DOCK3: variants seen among roughly 807,000 people sequenced by gnomAD.
DOCK3 encodes dedicator of cytokinesis 3.
Under a neutral mutation model 265.6 loss-of-function variants are expected in DOCK3, and 60 were observed. The observed-to-expected ratio is 0.23, with a 90% CI of 0.18 to 0.28. The LOEUF (loss-of-function observed/expected upper bound fraction) is 0.28, where lower values mean the gene tolerates loss of function less well. Ranked by LOEUF, DOCK3 falls within the 10% of genes least tolerant of loss-of-function variation. The pLI is 1.00. For missense variants in DOCK3, 1,981 were observed against 2,594.3 expected (o/e 0.76, Z 5.14); for synonymous variants, 881 against 938.0 (o/e 0.94, Z 1.11).
intron 5 of DOCK3, among the ~76,000 whole-genome samples, chr3:50,961,878 G>A (rs1197298170): frequency 6.6e-6 from 1 of 151,974 alleles, no homozygotes; most frequent in Non-Finnish European, 1.5e-5. Flanking sequence ...TAATAGAAAG[G>A]AATTATTAAT....
chr3:51,312,978 C>G, intron 31 of DOCK3, 76 bp downstream of exon 31: 1 of 1,350,816 alleles, frequency 7.4e-7, no homozygotes, highest in Non-Finnish European at 1.0e-6. Flanking sequence ...AATAACATCT[C>G]CCAGGCTTTA....
chr3:51,257,819 C>A (rs1270565413), intron 22 of DOCK3, among the ~76,000 whole-genome samples: 16 of 152,220 alleles, frequency 1.1e-4, no homozygotes, highest in Admixed American at 1.0e-3. Flanking sequence ...TCCACAGGCT[C>A]CACCTCTCAC....
In DOCK3 at chr3:51,381,918, G is replaced by A; in HGVS notation, c.*359G>A. The A allele has an allele frequency of 5.1e-6, 1 of 196,782 alleles. No individual in the cohort carries two copies. The highest frequency in any genetic ancestry group is 1.0e-5 in the Non-Finnish European group (1 of 97,044). 12.2% of individuals were successfully genotyped at this position (196,782 alleles called of 1,614,324 possible). On this transcript the variant is annotated 3_prime_UTR_variant, in exon 53 of 53. Coordinates refer to ENST00000266037, the MANE Select transcript of DOCK3 (RefSeq NM_004947.5). The surrounding 1 kb of genome is among the most constrained non-coding windows in gnomAD (Gnocchi z 5.6). The stretch of plus-strand genomic sequence containing the variant: ...CTTTGCCACACTGCAGGGCCCAGGA[G>A]TGGGAGCCCAGGCCCTCCCTCCAGG...
intron 9 of DOCK3, among the ~76,000 whole-genome samples, chr3:51,133,598 A>G (rs1224525286): frequency 1.3e-5 from 2 of 151,958 alleles, no homozygotes; most frequent in Non-Finnish European, 2.9e-5. Flanking sequence ...AGTCTTTGCT[A>G]TTGTGAATAG....
chr3:51,343,710 G>T (rs1195976165), intron 38 of DOCK3, among the ~76,000 whole-genome samples: 1 of 152,206 alleles, frequency 6.6e-6, no homozygotes, highest in African/African-American at 2.4e-5. Context: ...ACCCACCATT[G>T]TTCCAGTACA....
chr3:50,989,403 A>G (rs551602095), intron 5 of DOCK3, among the ~76,000 whole-genome samples: 21 of 152,164 alleles, frequency 1.4e-4, no homozygotes, highest in African/African-American at 4.8e-4. Flanking sequence ...AGGAACCCAT[A>G]TTTTTACAGC....
chr3:51,376,805 C>T (rs1183614205), intron 51 of DOCK3, among the ~76,000 whole-genome samples: 1 of 152,248 alleles, frequency 6.6e-6, no homozygotes, highest in African/African-American at 2.4e-5. Context: ...TCATGGAGGA[C>T]ATACCTCTGT....
intron 9 of DOCK3, among the ~76,000 whole-genome samples, chr3:51,144,683 A>C (rs982385704): frequency 6.6e-6 from 1 of 152,200 alleles, no homozygotes; most frequent in Non-Finnish European, 1.5e-5. Context: ...TCATTTCTGC[A>C]TGTCTAACTG....
Position 51,000,462 on chromosome 3 carries a change from G to C in DOCK3, c.316-63986G>C, listed in dbSNP as rs954478451. On this transcript the variant is annotated intron_variant, in intron 5 of 52. Transcript: ENST00000266037. ...TGACTGCTACCACTGCTTTAAGACT[G>C]TTGCCTTGCTGGGGAAGGCCTAGGA... is the stretch of plus-strand genomic sequence containing the variant. 1.3e-5 allele frequency among the ~76,000 whole-genome samples: 2 copies of C among 152,188 alleles called. 1 individual carries two copies. Among genetic ancestry groups the C allele is most frequent in the African/African-American group, 4.8e-5 (2 of 41,444 alleles).
chr3:51,130,688 A>G (rs1006550918), intron 9 of DOCK3, among the ~76,000 whole-genome samples: 2 of 152,052 alleles, frequency 1.3e-5, no homozygotes, highest in Non-Finnish European at 2.9e-5. Flanking sequence ...CAAGGATGCA[A>G]TATTGGTTTT....
intron 3 of DOCK3, among the ~76,000 whole-genome samples, chr3:50,843,096 C>T (rs934605017): frequency 6.6e-6 from 1 of 152,132 alleles, no homozygotes; most frequent in African/African-American, 2.4e-5. Flanking sequence ...TGATGGTACC[C>T]TTAAAATATT....
intron 1 of DOCK3, among the ~76,000 whole-genome samples, chr3:50,694,236 C>T (rs2035458791): frequency 6.6e-6 from 1 of 151,718 alleles, no homozygotes; most frequent in African/African-American, 2.4e-5. Context: ...CGCCACTGCA[C>T]ACCAGCCTGG....
intron 5 of DOCK3, among the ~76,000 whole-genome samples, chr3:50,956,350 C>T (rs1489674697): frequency 6.6e-6 from 1 of 152,156 alleles, no homozygotes; most frequent in Non-Finnish European, 1.5e-5. Flanking sequence ...CAAGATTCCT[C>T]ATGTCTTCAC....
At chr3:51,170,715 C>T (rs1419467379) in intron 12 of DOCK3, among the ~76,000 whole-genome samples, 4 of 152,022 alleles carry the variant, frequency 2.6e-5, no homozygotes, top group Admixed American at 6.6e-5. Flanking sequence ...GAGGCGAAGG[C>T]GGGCGGATCA....
chr3:51,188,810 T>C (rs1394505978), intron 12 of DOCK3, among the ~76,000 whole-genome samples: 41 of 62,698 alleles, frequency 6.5e-4, no homozygotes, highest in Non-Finnish European at 1.2e-4. Context: ...GGTGTGGGTG[T>C]GTGTATCACA....
At chr3:51,058,809 C>T (rs1027336173) in intron 5 of DOCK3, among the ~76,000 whole-genome samples, 2 of 143,716 alleles carry the variant, frequency 1.4e-5, no homozygotes, top group Non-Finnish European at 2.9e-5. Flanking sequence ...CCCCTTTGGG[C>T]CTATTTTTTT....
intron 1 of DOCK3, among the ~76,000 whole-genome samples, chr3:50,690,240 C>T (rs531231890): frequency 7.3e-5 from 11 of 150,790 alleles, no homozygotes; most frequent in Non-Finnish European, 1.3e-4. Context: ...CTCAAGTGAT[C>T]CTCTGCCTCA....
intron 12 of DOCK3, among the ~76,000 whole-genome samples, chr3:51,207,719 T>C (rs2089291714): frequency 1.3e-5 from 2 of 152,142 alleles, no homozygotes; most frequent in South Asian, 4.1e-4. Context: ...TCTATAACTC[T>C]TACTGGGGTC....
Position 51,227,303 on chromosome 3 carries a change from A to G in DOCK3, c.1398A>G (p.Ser466=). 1 of 1,613,834 alleles carries G rather than the reference A, an allele frequency of 6.2e-7. No individual in the cohort carries two copies. The highest frequency in any genetic ancestry group is 8.5e-7 in the Non-Finnish European group (1 of 1,179,834). Residue 466 remains serine, a synonymous_variant, in exon 16 of 53, where the codon TCA becomes TCG. Transcript: ENST00000266037. ...TCCAGGATTGCATCAGCTTGGGTTC[A>G]GGAGAGCCAAATAGGAGTTCCTACC... ...EILKDCISLG[S]GEPNRSSYHS...
Sources: allele counts gnomAD v4.1 joint callset (sites outside exome capture counted in the v4.1 genomes callset), GRCh38; gene constraint gnomAD v4.1.1; non-coding constraint Gnocchi (gnomAD v3.1); transcripts MANE v1.5; gene names NCBI Gene and HGNC (gene_info 2026-07-23, HGNC 2026-07-21).